The following TAF1B variants were observed in gnomAD, a reference collection of about 807,000 sequenced individuals.
The protein encoded by TAF1B is TATA box-binding protein-associated factor RNA polymerase I subunit B.
A neutral mutation model predicts 83.9 loss-of-function variants in TAF1B; 61 were observed. That is an observed-to-expected ratio of 0.73 (90% CI 0.59 to 0.90). TAF1B has a LOEUF of 0.90. Among genes scored for constraint, TAF1B ranks in the 40% least tolerant of loss-of-function variants. The pLI, the probability that TAF1B is intolerant of heterozygous loss-of-function variation, is 0.00. For missense variants in TAF1B, 625 were observed against 677.0 expected (o/e 0.92, Z 0.85); for synonymous variants, 221 against 224.6 (o/e 0.98, Z 0.14).
rs115500495 is a variant in TAF1B, at chr2:9,923,122, A to G, written c.1565+3302A>G. ...GCCGGGTGTGGTGGTGCACGTGTAT[A>G]ATCTACTCGGGAGGCTGAGGCATGA... On this transcript the variant is annotated intron_variant, in intron 14 of 14. Transcript: ENST00000263663. Among the ~76,000 whole-genome samples the G allele has an allele frequency of 6.3e-3, 957 of 151,716 alleles. 17 individuals are homozygous for G. The highest frequency in any genetic ancestry group is 0.022 in the African/African-American group (894 of 41,384).
intron 5 of TAF1B, among the ~76,000 whole-genome samples, chr2:9,860,999 A>C (rs188457369): frequency 6.6e-6 from 1 of 152,370 alleles, no homozygotes; most frequent in African/African-American, 2.4e-5. Flanking sequence ...GAACAGCTCC[A>C]GTCTACAGCT....
intron 2 of TAF1B, among the ~76,000 whole-genome samples, chr2:9,846,506 A>G (rs969480057): frequency 1.3e-5 from 2 of 152,254 alleles, no homozygotes; most frequent in Non-Finnish European, 2.9e-5. Flanking sequence ...CATTAAAAGT[A>G]ACTGTGTAGA....
At position 9,851,542 on chromosome 2, in the gene TAF1B, A is replaced by G; in HGVS notation, c.207A>G (p.Glu69=). The change falls in exon 4 of 15, where the codon GAA becomes GAG. Residue 69 remains glutamate (E), a splice_region_variant and synonymous_variant. Coordinates refer to ENST00000263663, the MANE Select transcript of TAF1B (RefSeq NM_005680.3). ...TAAAACATGCTATTTGTCATTTAGAAAAAGGCTGGGATTGGTATGTGTGTG... is the reference window on the plus strand; with the variant it reads ...TAAAACATGCTATTTGTCATTTAGAGAAAGGCTGGGATTGGTATGTGTGTG... ...NRGLKKKNNT[E]KGWDWYVCEG... is the part of the protein sequence containing the mutation. 1 of 1,595,784 alleles carries G rather than the reference A, an allele frequency of 6.3e-7. No homozygotes were observed. Among genetic ancestry groups the G allele is most frequent in the East Asian group, 2.2e-5 (1 of 44,634 alleles).
At chr2:9,922,813 A>T (rs1357352489) in intron 14 of TAF1B, among the ~76,000 whole-genome samples, 1 of 152,246 alleles carries the variant, frequency 6.6e-6, no homozygotes, top group Non-Finnish European at 1.5e-5. Context: ...TATTGAATGA[A>T]TGAATGGAAA....
intron 14 of TAF1B, among the ~76,000 whole-genome samples, chr2:9,924,018 A>G: frequency 6.6e-6 from 1 of 152,232 alleles, no homozygotes; most frequent in Non-Finnish European, 1.5e-5. Context: ...ATACTGCAGT[A>G]TAATGCAGTG....
In TAF1B at chr2:9,919,086, C is replaced by T; in HGVS notation, c.1317C>T (p.Asp439=). Residue 439 remains aspartate (D), a synonymous_variant, in exon 13 of 15, where the codon GAC becomes GAT. Transcript: ENST00000263663. ...SEKPLYYSFV[D]KPVAYKKREM... is the part of the protein sequence containing the mutation. ...AGCCACTCTACTACTCATTTGTCGA[C>T]AAACCAGTAGCATATAAAAAAAGAG... The T allele has an allele frequency of 1.2e-6, 2 of 1,614,102 alleles. No homozygotes were observed. Among genetic ancestry groups the T allele is most frequent in the South Asian group, 2.2e-5 (2 of 91,076 alleles).
chr2:9,845,805 A>G (rs1199472693), intron 2 of TAF1B: 2 of 267,192 alleles, frequency 7.5e-6, no homozygotes, highest in Non-Finnish European at 1.5e-5. Flanking sequence ...CAACAATGGG[A>G]AACTCCGTCT....
intron 4 of TAF1B, chr2:9,852,267 T>C (rs1199163098): frequency 5.2e-6 from 1 of 192,000 alleles, no homozygotes; most frequent in African/African-American, 2.4e-5. Context: ...TTTGCTGCCT[T>C]CCTGGAGCAA....
At chr2:9,891,330 T>A (rs1291102669) in intron 8 of TAF1B, among the ~76,000 whole-genome samples, 1 of 152,236 alleles carries the variant, frequency 6.6e-6, no homozygotes. Flanking sequence ...TACAGAATAC[T>A]TTTTTAAAAT....
At chr2:9,854,503 A>G in intron 5 of TAF1B, 82 bp downstream of exon 5, 1 of 960,252 alleles carries the variant, frequency 1.0e-6, no homozygotes, top group Non-Finnish European at 1.6e-6. Context: ...GACCAGTTTG[A>G]GTATCTGAGA....
intron 5 of TAF1B, among the ~76,000 whole-genome samples, chr2:9,863,331 A>T (rs1663844805): frequency 6.6e-6 from 1 of 152,266 alleles, no homozygotes; most frequent in Non-Finnish European, 1.5e-5. Context: ...AAACCAACAA[A>T]GATCAAAAGA....
intron 14 of TAF1B, among the ~76,000 whole-genome samples, chr2:9,920,823 G>A (rs750905819): frequency 7.2e-5 from 11 of 152,160 alleles, no homozygotes; most frequent in African/African-American, 1.4e-4. Flanking sequence ...AACAACACGC[G>A]CTTTTATGGT....
chr2:9,897,831 T>C (rs1463809685), intron 8 of TAF1B, among the ~76,000 whole-genome samples: 2 of 152,154 alleles, frequency 1.3e-5, no homozygotes, highest in Non-Finnish European at 2.9e-5. Flanking sequence ...TTTATTAGAA[T>C]AATAACCTGA....
intron 6 of TAF1B, among the ~76,000 whole-genome samples, chr2:9,870,147 A>G (rs973918934): frequency 1.3e-5 from 2 of 152,148 alleles, no homozygotes; most frequent in East Asian, 1.9e-4. Flanking sequence ...AAATCATTCT[A>G]TAAGTCTTGT....
intron 8 of TAF1B, among the ~76,000 whole-genome samples, chr2:9,887,111 A>G (rs1664699909): frequency 6.6e-6 from 1 of 152,196 alleles, no homozygotes; most frequent in Admixed American, 6.5e-5. Context: ...TGTGGTAAGA[A>G]GTACCTACAA....
chr2:9,845,394 C>T, intron 2 of TAF1B, 76 bp downstream of exon 2: 1 of 1,231,286 alleles, frequency 8.1e-7, no homozygotes, highest in Non-Finnish European at 1.2e-6. Context: ...TAGTCTAAGT[C>T]CCAAAGAATT....
At chr2:9,909,939 A>G (rs1302979608) in intron 9 of TAF1B, among the ~76,000 whole-genome samples, 2 of 152,204 alleles carry the variant, frequency 1.3e-5, no homozygotes, top group African/African-American at 2.4e-5. Context: ...AATGGAATTA[A>G]CAGGACATGG....
intron 8 of TAF1B, among the ~76,000 whole-genome samples, chr2:9,897,515 T>C (rs1025291428): frequency 2.0e-5 from 3 of 152,208 alleles, no homozygotes; most frequent in African/African-American, 7.2e-5. Context: ...AACAGCATTC[T>C]GATCTTCTCC....
At chr2:9,908,379 C>A (rs1389398444) in intron 9 of TAF1B, among the ~76,000 whole-genome samples, 2 of 152,020 alleles carry the variant, frequency 1.3e-5, no homozygotes, top group Non-Finnish European at 2.9e-5. Flanking sequence ...AGAAATATTT[C>A]AAGAAATGTC....
Sources: allele counts gnomAD v4.1 joint callset (sites outside exome capture counted in the v4.1 genomes callset), GRCh38; gene constraint gnomAD v4.1.1; transcripts MANE v1.5; gene names NCBI Gene and HGNC (gene_info 2026-07-23, HGNC 2026-07-21).